The following COL27A1 variants were observed in gnomAD, a reference collection of about 807,000 sequenced individuals.
COL27A1 encodes collagen alpha-1(XXVII) chain.
Under a neutral mutation model 251.3 loss-of-function variants are expected in COL27A1, and 106 were observed. The observed-to-expected ratio is 0.42, with a 90% CI of 0.36 to 0.50. The LOEUF is 0.50. Ranked by LOEUF, COL27A1 falls within the 20% of genes least tolerant of loss-of-function variation. The pLI is 0.00. For missense variants in COL27A1, 2,325 were observed against 2,522.8 expected, an observed-to-expected ratio of 0.92 and a Z score of 1.68; for synonymous variants, 1,000 against 986.3, an observed-to-expected ratio of 1.01 and a Z score of -0.26.
chr9:114,255,746 C>T (rs747547404), intron 27 of COL27A1, among the ~76,000 whole-genome samples: 46 of 152,280 alleles, frequency 3.0e-4, no homozygotes, highest in Non-Finnish European at 5.3e-4. Flanking sequence ...CAGGGCTGGT[C>T]CCTTGGATCT....
rs140807782 is a variant in COL27A1, at chr9:114,231,128, T to C, written c.2516T>C (p.Met839Thr). The change falls in exon 15 of 61, where the codon ATG becomes ACG. Residue 839 changes from methionine (M) to threonine (T), a missense_variant. Met to Thr is a moderately conservative substitution (Grantham distance 81). This residue lies in a region of COL27A1 where 1,183 missense variants were observed against 1,144.1 expected (regional missense o/e 1.03). Transcript: ENST00000356083. The part of the protein sequence containing the change: ...GPIGYPGPKG[M>T]KGLMGSVGEP... ...ATTGGCTACCCGGGACCCAAGGGCA[T>C]GAAGGTAAGCAAGGGATGTTCCCCC... 37 of 1,613,266 alleles carry C rather than the reference T, an allele frequency of 2.3e-5. No individual in the cohort carries two copies. The highest frequency in any genetic ancestry group is 1.0e-4 in the Admixed American group (6 of 59,960).
At position 114,252,636 on chromosome 9, in the gene COL27A1, A is replaced by C; in HGVS notation, c.3077A>C (p.Lys1026Thr). The C allele has an allele frequency of 6.2e-7, 1 of 1,613,842 alleles. No individual in the cohort carries two copies. Residue 1026 changes from lysine to threonine, a missense_variant, in exon 26 of 61, where the codon AAG (lysine) becomes ACG (threonine). Lys to Thr is a moderately conservative substitution (Grantham distance 78, BLOSUM62 -1). Transcript: ENST00000356083. ...GGACCCCCAGGCGTGCCTGGACCCAAGGGGTCGATGGTAAGGAGTAAGTCT... is the reference window on the plus strand; with the variant it reads ...GGACCCCCAGGCGTGCCTGGACCCACGGGGTCGATGGTAAGGAGTAAGTCT... ...MMGPPGVPGP[K>T]GSMGHPGMPG... is the part of the protein sequence containing the mutation.
At chr9:114,206,861 A>G (rs972757109) in intron 10 of COL27A1, among the ~76,000 whole-genome samples, 69 of 152,302 alleles carry the variant, frequency 4.5e-4, no homozygotes, top group Non-Finnish European at 4.4e-5. Context: ...TAGTCTGGTT[A>G]TGTCAAGCTG....
chr9:114,201,819 G>C (rs1407356524), intron 7 of COL27A1, among the ~76,000 whole-genome samples: 1 of 152,168 alleles, frequency 6.6e-6, no homozygotes, highest in East Asian at 1.9e-4. Flanking sequence ...GCATCTATAA[G>C]GGGATCTCTC....
intron 28 of COL27A1, among the ~76,000 whole-genome samples, chr9:114,261,700 T>C (rs1380270486): frequency 6.6e-6 from 1 of 152,212 alleles, no homozygotes; most frequent in Non-Finnish European, 1.5e-5. Flanking sequence ...GGTCCTGACC[T>C]GTATACCCCC....
At chr9:114,243,442 G>A (rs1588746708) in intron 22 of COL27A1, 65 bp from the exon 23 acceptor site, 3 of 1,392,420 alleles carry the variant, frequency 2.2e-6, no homozygotes, top group East Asian at 4.6e-5. Flanking sequence ...GGCCCTTGGA[G>A]CCCCTGGACC....
chr9:114,275,056 G>A (rs762888413), intron 36 of COL27A1, among the ~76,000 whole-genome samples: 2 of 135,180 alleles, frequency 1.5e-5, no homozygotes, highest in Non-Finnish European at 3.2e-5. Context: ...TCCAACTGCT[G>A]GGCTCAAGCT....
chr9:114,235,955 C>G (rs929475745), intron 17 of COL27A1, among the ~76,000 whole-genome samples: 2 of 152,102 alleles, frequency 1.3e-5, no homozygotes, highest in African/African-American at 4.8e-5. Flanking sequence ...TCCATGGCTC[C>G]CTATTGCTCT....
intron 48 of COL27A1, among the ~76,000 whole-genome samples, chr9:114,291,458 A>C (rs1827911458): frequency 6.6e-6 from 1 of 152,166 alleles, no homozygotes. Context: ...TGAGAATAGA[A>C]GGGGAAAAGG....
At chr9:114,300,880 G>T (rs1039066666) in intron 51 of COL27A1, among the ~76,000 whole-genome samples, 192 bp from the exon 52 acceptor site, 2 of 151,830 alleles carry the variant, frequency 1.3e-5, no homozygotes, top group African/African-American at 4.8e-5. Flanking sequence ...TTTCACTCTT[G>T]CCCCCATCGC....
chr9:114,252,953 C>T (rs1434966381), intron 27 of COL27A1, 21 bp downstream of exon 27: 1 of 1,602,574 alleles, frequency 6.2e-7, no homozygotes, highest in Non-Finnish European at 8.5e-7. Context: ...CCCTCGTGAT[C>T]CCTAAGCTCA....
In COL27A1 at chr9:114,162,717, G is replaced by T. The variant is rs898329256; in HGVS notation, c.65G>T (p.Gly22Val). The T allele has an allele frequency of 4.3e-6, 7 of 1,611,684 alleles. No individual in the cohort carries two copies. Among genetic ancestry groups the T allele is most frequent in the Non-Finnish European group, 5.9e-6 (7 of 1,178,902 alleles). ...TAAAAAARGG[G>V]FLFSWILVSF... ...TGCTTGTGTCTCCTGGTCTCTAGGGGGTTTCTCTTCTCCTGGATCTTAGTC... is the reference window on the plus strand; with the variant it reads ...TGCTTGTGTCTCCTGGTCTCTAGGGTGTTTCTCTTCTCCTGGATCTTAGTC... Residue 22 changes from glycine (G) to valine (V), a missense_variant and splice_region_variant, in exon 2 of 61, where the codon GGG becomes GTG. This residue lies in a region of COL27A1 where 1,183 missense variants were observed against 1,144.1 expected (regional missense o/e 1.03). Coordinates refer to ENST00000356083, the MANE Select transcript of COL27A1 (RefSeq NM_032888.4).
chr9:114,200,965 C>T lies in COL27A1; in HGVS notation c.2125-4137C>T, dbSNP rs1021962517. 8.3e-4 allele frequency among the ~76,000 whole-genome samples: 127 copies of T among 152,144 alleles called. 1 individual carries two copies. Among genetic ancestry groups the T allele is most frequent in the Non-Finnish European group, 3.1e-4 (21 of 68,020 alleles). ...CCGATGTCTGAGTACATATGGGTCC[C>T]TAGGACCCCCAGGCAAGGACGGGAC... On this transcript the variant is annotated intron_variant, in intron 7 of 60. Coordinates refer to ENST00000356083, the MANE Select transcript of COL27A1 (RefSeq NM_032888.4).
chr9:114,187,394 G>A (rs1332976749), intron 5 of COL27A1, among the ~76,000 whole-genome samples: 2 of 152,144 alleles, frequency 1.3e-5, no homozygotes, highest in African/African-American at 4.8e-5. Flanking sequence ...AGCTCTGAGA[G>A]CACTTTGAGC....
At chr9:114,306,375 A>T (rs1442583567) in intron 57 of COL27A1, 145 bp from the exon 58 acceptor site, 2 of 739,768 alleles carry the variant, frequency 2.7e-6, no homozygotes, top group Non-Finnish European at 4.3e-6. Flanking sequence ...TGTCTGCAAA[A>T]TAAAGAGAAA....
intron 14 of COL27A1, among the ~76,000 whole-genome samples, chr9:114,222,887 G>A (rs1296100567): frequency 6.6e-6 from 1 of 152,172 alleles, no homozygotes; most frequent in Non-Finnish European, 1.5e-5. Context: ...GAGGATTAAA[G>A]GAGGCATCAT....
intron 14 of COL27A1, among the ~76,000 whole-genome samples, chr9:114,229,432 C>T (rs1831765755): frequency 6.6e-6 from 1 of 152,178 alleles, no homozygotes; most frequent in Non-Finnish European, 1.5e-5. Context: ...TGTGATTTTT[C>T]ATTCTCTGCC....
chr9:114,250,608 C>A lies in COL27A1; in HGVS notation c.2980-7C>A. 6.2e-7 allele frequency: 1 copy of A among 1,611,394 alleles called. No homozygotes were observed. Among genetic ancestry groups the A allele is most frequent in the South Asian group, 1.1e-5 (1 of 91,058 alleles). ...GTTTCTCTTGCTTTCGGGAATGTGT[C>A]TCATAGGGATTTATGGGATTCATTG... On this transcript the variant is annotated splice_region_variant and splice_polypyrimidine_tract_variant and intron_variant, in intron 24 of 60. Transcript: ENST00000356083.
At chr9:114,289,663 G>T (rs371626911) in intron 45 of COL27A1, among the ~76,000 whole-genome samples, 1 of 152,144 alleles carries the variant, frequency 6.6e-6, no homozygotes, top group African/African-American at 2.4e-5. Context: ...GCCACTTCCT[G>T]CCTCTGCCCC....
Sources: allele counts gnomAD v4.1 joint callset (sites outside exome capture counted in the v4.1 genomes callset), GRCh38; gene constraint gnomAD v4.1.1; regional missense constraint gnomAD v4.1.1; transcripts MANE v1.5; gene names NCBI Gene and HGNC (gene_info 2026-07-23, HGNC 2026-07-21).